The following PANX3 variants were observed in gnomAD, a reference collection of about 807,000 sequenced individuals.
PANX3 encodes pannexin-3.
A neutral mutation model predicts 31.5 loss-of-function variants in PANX3; 18 were observed. That is an observed-to-expected ratio of 0.57 (90% CI 0.39 to 0.85). The LOEUF is 0.85. Ranked by LOEUF, PANX3 falls within the 40% of genes least tolerant of loss-of-function variation. PANX3 has a pLI of 0.00. For missense variants in PANX3, 426 were observed against 485.4 expected (o/e 0.88, Z 1.15); for synonymous variants, 194 against 201.6 (o/e 0.96, Z 0.32).
chr11:124,614,918 G>A (rs971292175), intron 2 of PANX3, among the ~76,000 whole-genome samples: 5 of 150,406 alleles, frequency 3.3e-5, no homozygotes, highest in South Asian at 2.1e-4. Context: ...CTTGTGATCC[G>A]CCCACCTCGA....
rs559730228 is a variant in PANX3 at position 124,620,277 on chromosome 11, T to C, written c.*342T>C. On this transcript the variant is annotated 3_prime_UTR_variant, in exon 4 of 4. Coordinates refer to ENST00000284288, the MANE Select transcript of PANX3 (RefSeq NM_052959.3). Reference sequence around the variant, plus strand: ...TATGGAGGCAATTCCATATCCTTTCTTGAACGCACATTCAGCTTACCCCAG... The same window carrying C: ...TATGGAGGCAATTCCATATCCTTTCCTGAACGCACATTCAGCTTACCCCAG... 5.1e-6 allele frequency: 1 copy of C among 195,528 alleles called. No individual in the cohort carries two copies. Among genetic ancestry groups the C allele is most frequent in the Non-Finnish European group, 1.0e-5 (1 of 97,270 alleles). 12.1% of individuals were successfully genotyped at this position (195,528 alleles called of 1,614,324 possible). A position where few individuals can be genotyped will look rare whatever the true frequency, so the allele number is the denominator to read the frequency against.
chr11:124,616,111 T>C lies in PANX3; in HGVS notation c.325-1163T>C, dbSNP rs959938793. ...ACCCTGCTAGGTGTGGTAAGTATGA[T>C]GAGGAAACCTGAAGAAAAGTGCCTG... On this transcript the variant is annotated intron_variant, in intron 2 of 3. Transcript: ENST00000284288. This position sits in a 1 kb window ranked among gnomAD's most constrained non-coding sequence, Gnocchi z 4.8. 1.1e-4 allele frequency among the ~76,000 whole-genome samples: 17 copies of C among 152,204 alleles called. No individual in the cohort carries two copies. The highest frequency in any genetic ancestry group is 3.6e-4 in the African/African-American group (15 of 41,454).
chr11:124,614,664 C>A (rs1863132219), intron 2 of PANX3, among the ~76,000 whole-genome samples: 2 of 149,242 alleles, frequency 1.3e-5, no homozygotes, highest in South Asian at 4.2e-4. Context: ...TCAATAAACG[C>A]CCTTTCTTTT....
intron 1 of PANX3, among the ~76,000 whole-genome samples, chr11:124,611,949 TAAA>T (rs56856352): frequency 0.034 from 3,310 of 97,928 alleles, 130 homozygotes; most frequent in African/African-American, 0.1. Flanking sequence ...AATGTTACAG[TAAA>T]AAAAAAAAAA....
At position 124,617,786 on chromosome 11, in the gene PANX3, C is replaced by A. The variant is rs74518579; in HGVS notation, c.539+298C>A. ...TCCCTTCATGCCTACCAAAGAATAC[C>A]CAAACTTTCCCAGATATGTGTGCAA... On this transcript the variant is annotated intron_variant, in intron 3 of 3. Transcript: ENST00000284288. 7.2e-3 allele frequency among the ~76,000 whole-genome samples: 1,103 copies of A among 152,296 alleles called. 8 individuals are homozygous for A. The highest frequency in any genetic ancestry group is 0.025 in the African/African-American group (1,040 of 41,564).
chr11:124,618,004 G>A (rs1436333624), intron 3 of PANX3, among the ~76,000 whole-genome samples: 4 of 152,210 alleles, frequency 2.6e-5, no homozygotes, highest in Admixed American at 6.5e-5. Flanking sequence ...GTTGGGGGAT[G>A]GGGGTAGGAG....
chr11:124,617,219 T>C, intron 2 of PANX3, 55 bp from the exon 3 acceptor site: 1 of 1,376,486 alleles, frequency 7.3e-7, no homozygotes, highest in Non-Finnish European at 1.0e-6. Flanking sequence ...GTCAGCACTG[T>C]CACTCGGGGT....
chr11:124,619,338 G>A lies in PANX3; in HGVS notation c.582G>A (p.Arg194=), dbSNP rs772871917. 4.8e-5 allele frequency: 77 copies of A among 1,613,944 alleles called. 1 individual carries two copies. The Admixed American group carries it at 1.3e-3, about 27-fold the overall frequency. ...ERYFEFPLLE[R]YLACKQRSHS... ...ACTTTGAATTCCCTTTGCTAGAGCG[G>A]TACCTGGCATGTAAGCAGCGTTCAC... is the stretch of plus-strand genomic sequence containing the variant. The change falls in exon 4 of 4, where the codon CGG becomes CGA. Residue 194 remains arginine, a synonymous_variant. Coordinates refer to ENST00000284288, the MANE Select transcript of PANX3 (RefSeq NM_052959.3).
rs544552332 is a variant in PANX3 at position 124,616,380 on chromosome 11, G to GA, written c.325-886dup. On this transcript the variant is annotated intron_variant, in intron 2 of 3. Coordinates refer to ENST00000284288, the MANE Select transcript of PANX3 (RefSeq NM_052959.3). This position sits in a 1 kb window ranked among gnomAD's most constrained non-coding sequence, Gnocchi z 4.8. ...TTTACCTGGCTTTTTTTTTAAAAAA[G>GA]AAAAAAAAGAACATCAGTCATAATG... Among the ~76,000 whole-genome samples the GA allele has an allele frequency of 2.3e-4, 35 of 151,358 alleles. No individual in the cohort carries two copies. Among genetic ancestry groups the GA allele is most frequent in the Middle Eastern group, 3.4e-3 (1 of 294 alleles).
In PANX3 at chr11:124,619,855, G is replaced by C; in HGVS notation, c.1099G>C (p.Asp367His). 6.2e-7 allele frequency: 1 copy of C among 1,614,052 alleles called. No individual in the cohort carries two copies. Among genetic ancestry groups the C allele is most frequent in the South Asian group, 1.1e-5 (1 of 91,044 alleles). The change falls in exon 4 of 4, where the codon GAT (aspartate) becomes CAT (histidine). Residue 367 changes from aspartate (D) to histidine (H), a missense_variant. Asp to His is a moderately conservative substitution (Grantham distance 81). Transcript: ENST00000284288. ...TQKHNIDTVV[D>H]FMTLLAGLEP... Reference sequence around the variant, plus strand: ...GAAGCACAATATTGACACAGTAGTTGATTTTATGACTTTATTGGCTGGCTT... The same window carrying C: ...GAAGCACAATATTGACACAGTAGTTCATTTTATGACTTTATTGGCTGGCTT...
rs1863194573 is a variant in PANX3 at position 124,619,668 on chromosome 11, CTA to C, written c.914_915del (p.Tyr305Ter). 6.2e-7 allele frequency: 1 copy of C among 1,614,036 alleles called. No homozygotes were observed. Among genetic ancestry groups the C allele is most frequent in the African/African-American group, 1.3e-5 (1 of 74,908 alleles). On this transcript the variant is annotated frameshift_variant, in exon 4 of 4. Coordinates refer to ENST00000284288, the MANE Select transcript of PANX3 (RefSeq NM_052959.3). LOFTEE classifies it high-confidence loss of function. ...CRWDKRLLSV[Y>X]EMLPAFDLLS... ...GGTGGGACAAACGACTTTTATCTGTCTATGAGATGCTCCCAGCTTTTGATCTC... is the reference window on the plus strand; with the variant it reads ...GGTGGGACAAACGACTTTTATCTGTCTGAGATGCTCCCAGCTTTTGATCTC...
intron 2 of PANX3, among the ~76,000 whole-genome samples, chr11:124,614,298 G>T (rs1377706188): frequency 6.6e-6 from 1 of 150,924 alleles, no homozygotes; most frequent in East Asian, 2.0e-4. Context: ...GAGTTGTTTT[G>T]TGCTTGTCAC....
intron 3 of PANX3, among the ~76,000 whole-genome samples, chr11:124,618,641 T>C (rs1288995952): frequency 6.6e-6 from 1 of 152,112 alleles, no homozygotes; most frequent in African/African-American, 2.4e-5. Flanking sequence ...GAATGTACTT[T>C]TTTTGGAGTG....
In PANX3 at chr11:124,611,624, C is replaced by A. The variant is rs752557347; in HGVS notation, c.68C>A (p.Pro23His). The A allele has an allele frequency of 1.2e-6, 2 of 1,614,162 alleles. No homozygotes were observed. The highest frequency in any genetic ancestry group is 2.2e-5 in the South Asian group (2 of 91,084). Reference sequence around the variant, plus strand: ...GCCCTGCTGCCTGACCGCAGGGGACCCCGCCTCAAAGGACTGCGTCTGGAA... The same window carrying A: ...GCCCTGCTGCCTGACCGCAGGGGACACCGCCTCAAAGGACTGCGTCTGGAA... ...SDALLPDRRG[P>H]RLKGLRLELP... Residue 23 changes from proline to histidine, a missense_variant, in exon 1 of 4, where the codon CCC (proline) becomes CAC (histidine). Coordinates refer to ENST00000284288, the MANE Select transcript of PANX3 (RefSeq NM_052959.3).
At position 124,613,083 on chromosome 11, in the gene PANX3, G is replaced by C. The variant is rs764323639; in HGVS notation, c.285G>C (p.Gly95=). Residue 95 remains glycine (G), a synonymous_variant, in exon 2 of 4, where the codon GGG becomes GGC. Transcript: ENST00000284288. Reference sequence around the variant, plus strand: ...CACTGCTTCACCATAAGCAGGACGGGCCTGGCCAGGACAAAATGAAATCTC... The same window carrying C: ...CACTGCTTCACCATAAGCAGGACGGCCCTGGCCAGGACAAAATGAAATCTC... ...WDSLLHHKQD[G]PGQDKMKSLW... is the part of the protein sequence containing the mutation. 3 of 1,613,964 alleles carry C rather than the reference G, an allele frequency of 1.9e-6. No homozygotes were observed. Among genetic ancestry groups the C allele is most frequent in the Non-Finnish European group, 2.5e-6 (3 of 1,180,038 alleles).
rs754105545 is a variant in PANX3, at chr11:124,613,091, A to G, written c.293A>G (p.Gln98Arg). 13 of 1,613,884 alleles carry G rather than the reference A, an allele frequency of 8.1e-6. No individual in the cohort carries two copies. The highest frequency in any genetic ancestry group is 9.3e-6 in the Non-Finnish European group (11 of 1,180,020). Residue 98 changes from glutamine to arginine, a missense_variant, in exon 2 of 4, where the codon CAG becomes CGG. Gln to Arg is a conservative substitution (Grantham distance 43). Transcript: ENST00000284288. ...CACCATAAGCAGGACGGGCCTGGCC[A>G]GGACAAAATGAAATCTCTCTGGCCC... is the stretch of plus-strand genomic sequence containing the variant. ...LLHHKQDGPG[Q>R]DKMKSLWPHK...
intron 2 of PANX3, 120 bp downstream of exon 2, chr11:124,613,242 A>G: frequency 8.1e-7 from 1 of 1,228,824 alleles, no homozygotes; most frequent in Non-Finnish European, 1.1e-6. Context: ...TTGGTCACTT[A>G]CTTTCATGTT....
At chr11:124,618,897 C>A (rs193182715) in intron 3 of PANX3, among the ~76,000 whole-genome samples, 2 of 152,170 alleles carry the variant, frequency 1.3e-5, no homozygotes. Flanking sequence ...CCTTCCACCT[C>A]GGCCGCTGGG....
At chr11:124,615,387 C>CTTTCTTTTCTTTTCT (rs1354709991) in intron 2 of PANX3, among the ~76,000 whole-genome samples, 3 of 152,248 alleles carry the variant, frequency 2.0e-5, no homozygotes, top group South Asian at 4.1e-4. Context: ...GGCCCCACAC[C>CTTTCTTTTCTTTTCT]TTTCTTTTCT....
Sources: gnomAD v4.1 joint callset for allele counts (sites outside exome capture counted in the v4.1 genomes callset) on GRCh38, gnomAD v4.1.1 for gene constraint, Gnocchi (gnomAD v3.1) non-coding constraint, MANE v1.5 for transcripts, NCBI Gene and HGNC (gene_info 2026-07-23, HGNC 2026-07-21) for gene names.